The following HEMGN variants were observed in gnomAD, a reference collection of about 807,000 sequenced individuals.
HEMGN encodes erythroid differentiation-associated gene protein.
A neutral mutation model predicts 45.7 loss-of-function variants in HEMGN; 32 were observed. That is an observed-to-expected ratio of 0.70 (90% CI 0.53 to 0.94). HEMGN has a LOEUF of 0.94. HEMGN is among the 40% of genes least tolerant of loss of function. The pLI is 0.00. For missense variants in HEMGN, 530 were observed against 564.2 expected (o/e 0.94, Z 0.61); for synonymous variants, 183 against 178.6 (o/e 1.02, Z -0.20).
intron 1 of HEMGN, among the ~76,000 whole-genome samples, chr9:97,944,192 A>G (rs1463195432): frequency 1.3e-5 from 2 of 152,198 alleles, no homozygotes; most frequent in Non-Finnish European, 2.9e-5. Context: ...CACATTTCCA[A>G]GTGTTTCTTG....
chr9:97,938,420 G>T, upstream of HEMGN: 1 of 307,950 alleles, frequency 3.2e-6, no homozygotes, highest in Non-Finnish European at 6.0e-6. Flanking sequence ...ACCACAGCCT[G>T]GCATGGCACA....
chr9:97,931,808 A>G (rs1826959297), intron 2 of HEMGN, among the ~76,000 whole-genome samples: 1 of 152,224 alleles, frequency 6.6e-6, no homozygotes, highest in South Asian at 2.1e-4. Context: ...AAAAGCTGCA[A>G]AAGCACTTCT....
upstream of HEMGN, among the ~76,000 whole-genome samples, chr9:97,942,827 T>C (rs562632706): frequency 2.6e-5 from 4 of 152,238 alleles, no homozygotes; most frequent in African/African-American, 9.6e-5. Context: ...CTGGATACTG[T>C]TTAGTCAAAA....
chr9:97,929,196 C>T (rs1346734573), intron 3 of HEMGN, among the ~76,000 whole-genome samples: 1 of 152,226 alleles, frequency 6.6e-6, no homozygotes, highest in Non-Finnish European at 1.5e-5. Context: ...GTACTCCTGT[C>T]AGTGCACGTA....
upstream of HEMGN, chr9:97,938,318 A>G (rs754496124): frequency 3.2e-5 from 19 of 597,050 alleles, no homozygotes; most frequent in South Asian, 8.1e-5. Context: ...TAATTCTACT[A>G]TCTTTATCAC....
rs764155775 is a variant in HEMGN at position 97,930,806 on chromosome 9, G to T, written c.589C>A (p.Pro197Thr). 1.2e-6 allele frequency: 2 copies of T among 1,613,996 alleles called. No individual in the cohort carries two copies. The change falls in exon 3 of 4, where the codon CCT becomes ACT. Residue 197 changes from proline (P) to threonine (T), a missense_variant. Pro to Thr is a conservative substitution (Grantham distance 38, BLOSUM62 -1). Coordinates refer to ENST00000616898, the MANE Select transcript of HEMGN (RefSeq NM_197978.3). ...CATGTGTTAGGAGAGTTGTCTTCAGGTTCCTTCATGTCTTGGCATATTTTG... is the reference window on the plus strand; with the variant it reads ...CATGTGTTAGGAGAGTTGTCTTCAGTTTCCTTCATGTCTTGGCATATTTTG... ...SSKICQDMKE[P>T]EDNSPNTCQV...
At chr9:97,940,429 G>A (rs768125054), upstream of HEMGN, among the ~76,000 whole-genome samples, 2 of 152,214 alleles carry the variant, frequency 1.3e-5, no homozygotes, top group Non-Finnish European at 2.9e-5. Flanking sequence ...TAAATTGAAG[G>A]TAATATTGGG....
chr9:97,942,642 C>T (rs1449992495), upstream of HEMGN, among the ~76,000 whole-genome samples: 1 of 152,162 alleles, frequency 6.6e-6, no homozygotes, highest in Non-Finnish European at 1.5e-5. Flanking sequence ...TGCTTTCCTG[C>T]TTCCTGACCA....
upstream of HEMGN, among the ~76,000 whole-genome samples, chr9:97,942,274 CTTTTTTTTTTT>C (rs56055830): frequency 1.6e-5 from 2 of 128,188 alleles, no homozygotes; most frequent in African/African-American, 2.8e-5. Flanking sequence ...CTAATTCCTT[CTTTTTTTTTTT>C]TTTTTTTTTG....
At chr9:97,936,088 G>A (rs1690108150) in intron 2 of HEMGN, 83 bp downstream of exon 2, 1 of 880,414 alleles carries the variant, frequency 1.1e-6, no homozygotes, top group Non-Finnish European at 1.9e-6. Flanking sequence ...ATAAAATACA[G>A]TGTGTAAAGT....
chr9:97,940,834 G>A (rs534872830), upstream of HEMGN, among the ~76,000 whole-genome samples: 10 of 152,106 alleles, frequency 6.6e-5, no homozygotes, highest in East Asian at 9.7e-4. Flanking sequence ...CCCCATAATC[G>A]CCCTCACTCC....
chr9:97,937,714 G>T (rs1472252601), intron 1 of HEMGN, among the ~76,000 whole-genome samples: 8 of 152,178 alleles, frequency 5.3e-5, no homozygotes, highest in Non-Finnish European at 1.2e-4. Flanking sequence ...AATGTCTTAA[G>T]GTATCTCAAG....
At chr9:97,932,211 T>C (rs1826966968) in intron 2 of HEMGN, among the ~76,000 whole-genome samples, 1 of 152,202 alleles carries the variant, frequency 6.6e-6, no homozygotes, top group Admixed American at 6.5e-5. Context: ...GAAGAAACTG[T>C]ATTTCTTTTA....
Position 97,927,287 on chromosome 9 carries a change from T to G in HEMGN, c.*97A>C. 5 of 688,830 alleles carry G rather than the reference T, an allele frequency of 7.3e-6. No individual in the cohort carries two copies. The highest frequency in any genetic ancestry group is 1.3e-5 in the Non-Finnish European group (5 of 395,394). 42.7% of individuals were successfully genotyped at this position (688,830 alleles called of 1,614,324 possible). Reference sequence around the variant, plus strand: ...CTACAAATAGAAAAAATAATATTAATGAGCATTGTCAAAAGTTTTACAATA... The same window carrying G: ...CTACAAATAGAAAAAATAATATTAAGGAGCATTGTCAAAAGTTTTACAATA... On this transcript the variant is annotated 3_prime_UTR_variant, in exon 4 of 4. Coordinates refer to ENST00000616898, the MANE Select transcript of HEMGN (RefSeq NM_197978.3).
At position 97,930,272 on chromosome 9, in the gene HEMGN, G is replaced by A. The variant is rs1439747828; in HGVS notation, c.1123C>T (p.Pro375Ser). 6.2e-7 allele frequency: 1 copy of A among 1,614,006 alleles called. No homozygotes were observed. Among genetic ancestry groups the A allele is most frequent in the Non-Finnish European group, 8.5e-7 (1 of 1,179,924 alleles). Residue 375 changes from proline to serine, a missense_variant, in exon 3 of 4, where the codon CCT becomes TCT. Transcript: ENST00000616898. ...KYSPETYQEI[P>S]GLEEYSPEIY... ...TCAGGTGAATATTCTTCAAGCCCAG[G>A]TATTTCTTGATACGTTTCAGGTGAA...
intron 3 of HEMGN, among the ~76,000 whole-genome samples, chr9:97,927,806 T>TA (rs1323683824): frequency 3.3e-5 from 5 of 152,012 alleles, no homozygotes; most frequent in Admixed American, 3.3e-4. Context: ...ATATACATAG[T>TA]AAAAACTATT....
rs1452829794 is a variant in HEMGN at position 97,930,226 on chromosome 9, T to A, written c.1169A>T (p.Gln390Leu). Residue 390 changes from glutamine (Q) to leucine (L), a missense_variant, in exon 3 of 4, where the codon CAG becomes CTG. Gln to Leu is a moderately radical substitution (Grantham distance 113). Transcript: ENST00000616898. ...YSPEIYQETS[Q>L]LEEYSPEIYQ... ...TATTTCAGGTGAATATTCTTCAAGC[T>A]GGGATGTTTCTTGGTATATTTCAGG... The A allele has an allele frequency of 6.2e-7, 1 of 1,614,130 alleles. No homozygotes were observed. Among genetic ancestry groups the A allele is most frequent in the East Asian group, 2.2e-5 (1 of 44,880 alleles).
chr9:97,935,521 G>A (rs901761097), intron 2 of HEMGN, among the ~76,000 whole-genome samples: 1 of 152,154 alleles, frequency 6.6e-6, no homozygotes, highest in African/African-American at 2.4e-5. Flanking sequence ...GCAGTGCCAA[G>A]GTGGAGACAC....
At chr9:97,938,250 T>G, upstream of HEMGN, 1 of 704,878 alleles carries the variant, frequency 1.4e-6, no homozygotes, top group Non-Finnish European at 2.5e-6. Context: ...CACACAAGTT[T>G]GCCTGTCACT....
Sources: allele counts gnomAD v4.1 joint callset (sites outside exome capture counted in the v4.1 genomes callset), GRCh38; gene constraint gnomAD v4.1.1; transcripts MANE v1.5; gene names NCBI Gene and HGNC (gene_info 2026-07-23, HGNC 2026-07-21).